KIF13A: variants seen among roughly 807,000 people sequenced by gnomAD.
The protein encoded by KIF13A is kinesin-like protein KIF13A.
A neutral mutation model predicts 212.2 loss-of-function variants in KIF13A; 79 were observed. The ratio of observed to expected loss-of-function variants is 0.37; its 90% CI spans 0.31 to 0.45. KIF13A has a LOEUF of 0.45. Ranked by LOEUF, KIF13A falls within the 20% of genes least tolerant of loss-of-function variation. The pLI is 1.00. For missense variants in KIF13A, 1,901 were observed against 2,209.0 expected, an observed-to-expected ratio of 0.86 and a Z score of 2.79; for synonymous variants, 789 against 808.6, an observed-to-expected ratio of 0.98 and a Z score of 0.41.
chr6:17,970,024 G>A (rs946287831), intron 2 of KIF13A, among the ~76,000 whole-genome samples: 3 of 151,574 alleles, frequency 2.0e-5, no homozygotes, highest in Non-Finnish European at 2.9e-5. Context: ...CCGGGTTCAC[G>A]CCATTATCCT....
At chr6:17,958,040 C>T (rs1325491702) in intron 2 of KIF13A, among the ~76,000 whole-genome samples, 1 of 152,164 alleles carries the variant, frequency 6.6e-6, no homozygotes, top group Non-Finnish European at 1.5e-5. Flanking sequence ...AAAGCTCTCA[C>T]CAAACCCTGC....
intron 16 of KIF13A, among the ~76,000 whole-genome samples, chr6:17,819,553 C>A (rs1764252514): frequency 6.6e-6 from 1 of 151,904 alleles, no homozygotes; most frequent in Non-Finnish European, 1.5e-5. Context: ...CAGAGTGAGA[C>A]TCCATCTCAA....
Position 17,839,528 on chromosome 6 carries a change from A to C in KIF13A, c.831-1945T>G, listed in dbSNP as rs1766306649. On this transcript the variant is annotated intron_variant, in intron 9 of 38. Coordinates refer to ENST00000259711, the MANE Select transcript of KIF13A (RefSeq NM_022113.6). This position sits in a 1 kb window ranked among gnomAD's most constrained non-coding sequence, Gnocchi z 4.3. ...CAACACGGATGAACCCTGGCAAATT[A>C]TTTTACGTGAAAGAAGCCAAACACA... 6.6e-6 allele frequency among the ~76,000 whole-genome samples: 1 copy of C among 152,184 alleles called. No homozygotes were observed. Among genetic ancestry groups the C allele is most frequent in the South Asian group, 2.1e-4 (1 of 4,826 alleles).
chr6:17,793,773 G>A (rs1020849793), intron 25 of KIF13A, among the ~76,000 whole-genome samples: 1 of 151,934 alleles, frequency 6.6e-6, no homozygotes, highest in Non-Finnish European at 1.5e-5. Flanking sequence ...AATCAGCTGG[G>A]CGTGGTGATG....
intron 23 of KIF13A, among the ~76,000 whole-genome samples, chr6:17,795,554 C>T (rs1761961822): frequency 6.7e-6 from 1 of 149,534 alleles, no homozygotes; most frequent in Non-Finnish European, 1.5e-5. Context: ...AAGATCGCAC[C>T]ACTGCACACT....
rs74988604 is a variant in KIF13A, at chr6:17,973,589, C to T, written c.146+13465G>A. On this transcript the variant is annotated intron_variant, in intron 2 of 38. Coordinates refer to ENST00000259711, the MANE Select transcript of KIF13A (RefSeq NM_022113.6). ...CTATTTAACTCAACTCTCAAAGTAC[C>T]GTTGGGATAAATCTGAACATTACAA... Among the ~76,000 whole-genome samples the T allele has an allele frequency of 2.7e-3, 405 of 152,218 alleles. 3 individuals carry two copies. The highest frequency in any genetic ancestry group is 8.9e-3 in the African/African-American group (369 of 41,528).
At position 17,898,990 on chromosome 6, in the gene KIF13A, C is replaced by G. The variant is rs1339021591; in HGVS notation, c.147-810G>C. On this transcript the variant is annotated intron_variant, in intron 2 of 38. Transcript: ENST00000259711. The surrounding 1 kb of genome is among the most constrained non-coding windows in gnomAD (Gnocchi z 5.2). ...AACTAGGACTATAGGTGTGTGCCACCACACCTGGGTAATTTTTTACTTTCT... is the reference window on the plus strand; with the variant it reads ...AACTAGGACTATAGGTGTGTGCCACGACACCTGGGTAATTTTTTACTTTCT... Among the ~76,000 whole-genome samples the G allele has an allele frequency of 6.6e-6, 1 of 151,998 alleles. No individual in the cohort carries two copies. The highest frequency in any genetic ancestry group is 2.4e-5 in the African/African-American group (1 of 41,364).
chr6:17,785,432 C>T lies in KIF13A; in HGVS notation c.3488+83G>A. Reference sequence around the variant, plus strand: ...GCTGGTTGGCATTTTCTGTGACAATCCTGGAAAGTCTCTTGCATGGCTCTT... The same window carrying T: ...GCTGGTTGGCATTTTCTGTGACAATTCTGGAAAGTCTCTTGCATGGCTCTT... On this transcript the variant is annotated intron_variant, in intron 28 of 38. Transcript: ENST00000259711. This position sits in a 1 kb window ranked among gnomAD's most constrained non-coding sequence, Gnocchi z 5.8. 5.7e-6 allele frequency: 8 copies of T among 1,391,472 alleles called. No homozygotes were observed. Among genetic ancestry groups the T allele is most frequent in the Non-Finnish European group, 6.6e-6 (7 of 1,059,686 alleles). The allele number at this position is 1,391,472 out of a possible 1,614,324, so 86.2% of individuals were successfully genotyped here. A position where few individuals can be genotyped will look rare whatever the true frequency, so the allele number is the denominator to read the frequency against.
rs574791248 is a variant in KIF13A, at chr6:17,790,961, G to C, written c.3223-1051C>G. The stretch of plus-strand genomic sequence containing the variant: ...TTGCAAAAACATTTGGCAAAACAAA[G>C]TAATCACGTTGAAAACAAAAGGGTC... On this transcript the variant is annotated intron_variant, in intron 25 of 38. Coordinates refer to ENST00000259711, the MANE Select transcript of KIF13A (RefSeq NM_022113.6). 1.8e-3 allele frequency among the ~76,000 whole-genome samples: 269 copies of C among 152,160 alleles called. 1 individual carries two copies. The highest frequency in any genetic ancestry group is 1.0e-3 in the Non-Finnish European group (70 of 67,996).
At position 17,984,285 on chromosome 6, in the gene KIF13A, G is replaced by T. The variant is rs760068019; in HGVS notation, c.146+2769C>A. On this transcript the variant is annotated intron_variant, in intron 2 of 38. Transcript: ENST00000259711. This position sits in a 1 kb window ranked among gnomAD's most constrained non-coding sequence, Gnocchi z 5.0. ...TCTGGTGTAGGTACTGGATCCACAAGTATCTTTGAATCCCCTATGCTGAGC... is the reference window on the plus strand; with the variant it reads ...TCTGGTGTAGGTACTGGATCCACAATTATCTTTGAATCCCCTATGCTGAGC... 1.3e-5 allele frequency among the ~76,000 whole-genome samples: 2 copies of T among 152,178 alleles called. No individual in the cohort carries two copies. The highest frequency in any genetic ancestry group is 1.9e-4 in the East Asian group (1 of 5,204).
Position 17,789,714 on chromosome 6 carries a change from T to A in KIF13A, c.3261+158A>T, listed in dbSNP as rs572427978. ...TGACAAGGCATCTATAGAAATAATA[T>A]TGTGTTTGAATACATATAAAGCAAA... is the stretch of plus-strand genomic sequence containing the variant. On this transcript the variant is annotated intron_variant, in intron 26 of 38. Coordinates refer to ENST00000259711, the MANE Select transcript of KIF13A (RefSeq NM_022113.6). The surrounding 1 kb of genome is among the most constrained non-coding windows in gnomAD (Gnocchi z 4.8). Among the ~76,000 whole-genome samples the A allele has an allele frequency of 6.6e-6, 1 of 152,256 alleles. No individual in the cohort carries two copies. The highest frequency in any genetic ancestry group is 1.9e-4 in the East Asian group (1 of 5,178).
At chr6:17,976,492 G>A (rs1025155570) in intron 2 of KIF13A, among the ~76,000 whole-genome samples, 7 of 152,194 alleles carry the variant, frequency 4.6e-5, no homozygotes, top group Non-Finnish European at 8.8e-5. Flanking sequence ...TGCGGGGCCC[G>A]CCAAGCCCAC....
At chr6:17,827,982 C>T (rs1765117807) in intron 14 of KIF13A, among the ~76,000 whole-genome samples, 1 of 152,188 alleles carries the variant, frequency 6.6e-6, no homozygotes, top group Admixed American at 6.5e-5. Flanking sequence ...ACTCTTTTCA[C>T]TTACTCTCAT....
At chr6:17,890,948 C>T (rs972877372) in intron 3 of KIF13A, among the ~76,000 whole-genome samples, 1 of 152,030 alleles carries the variant, frequency 6.6e-6, no homozygotes, top group East Asian at 1.9e-4. Flanking sequence ...GCATGAGCTA[C>T]CACACCCAGT....
chr6:17,804,313 A>G (rs1381223227), intron 20 of KIF13A, 48 bp downstream of exon 20: 2 of 1,446,758 alleles, frequency 1.4e-6, no homozygotes, highest in Non-Finnish European at 1.8e-6. Context: ...ATAAAACAAA[A>G]CAAAAAACTT....
At chr6:17,955,290 C>G (rs939725749) in intron 2 of KIF13A, among the ~76,000 whole-genome samples, 4 of 151,638 alleles carry the variant, frequency 2.6e-5, no homozygotes, top group Non-Finnish European at 4.4e-5. Context: ...AACCAAGAAC[C>G]TGGGTTTCTA....
intron 4 of KIF13A, among the ~76,000 whole-genome samples, chr6:17,869,019 A>AACAAAAAAAAAAAAAAAAAAAC (rs1769735035): frequency 7.9e-6 from 1 of 126,514 alleles, no homozygotes; most frequent in Non-Finnish European, 1.7e-5. Flanking sequence ...AAAAAAAAAA[A>AACAAAAAAAAAAAAAAAAAAAC]ACACAAATAA....
At chr6:17,952,787 A>T (rs1777983198) in intron 2 of KIF13A, among the ~76,000 whole-genome samples, 1 of 151,436 alleles carries the variant, frequency 6.6e-6, no homozygotes. Context: ...AAAATTAGCC[A>T]GGTGTGGTGG....
chr6:17,769,966 A>T lies in KIF13A; in HGVS notation c.4581+1148T>A, dbSNP rs1561949530. Among the ~76,000 whole-genome samples the T allele has an allele frequency of 6.6e-6, 1 of 152,138 alleles. No individual in the cohort carries two copies. ...AAGGCAGAGGAGGGGAAGAGGGATG[A>T]AGAAATAGAGGGAAAATGGTGCTTT... On this transcript the variant is annotated intron_variant, in intron 38 of 38. Coordinates refer to ENST00000259711, the MANE Select transcript of KIF13A (RefSeq NM_022113.6). The surrounding 1 kb of genome is among the most constrained non-coding windows in gnomAD (Gnocchi z 5.8).
Sources: gnomAD v4.1 joint callset for allele counts (sites outside exome capture counted in the v4.1 genomes callset) on GRCh38, gnomAD v4.1.1 for gene constraint, Gnocchi (gnomAD v3.1) non-coding constraint, MANE v1.5 for transcripts, NCBI Gene and HGNC (gene_info 2026-07-23, HGNC 2026-07-21) for gene names.